The following WNK1 variants were observed in gnomAD, a reference collection of about 807,000 sequenced individuals.
The protein encoded by WNK1 is WNK lysine deficient protein kinase 1.
WNK1 carries 38 observed loss-of-function variants against 222.8 expected under a neutral mutation model. That is an observed-to-expected ratio of 0.17 (90% CI 0.13 to 0.22). WNK1 has a LOEUF of 0.22. WNK1 is among the 10% of genes least tolerant of loss of function. The pLI, the probability that WNK1 is intolerant of heterozygous loss-of-function variation, is 1.00. For synonymous variants in WNK1, 1,090 were observed against 1,092.9 expected (o/e 1.00, Z 0.05); for missense variants, 2,348 against 2,918.4 (o/e 0.80, Z 4.50).
chr12:855,350 G>A (rs961925761), intron 4 of WNK1, among the ~76,000 whole-genome samples: 2 of 152,194 alleles, frequency 1.3e-5, no homozygotes, highest in African/African-American at 4.8e-5. Context: ...GTTCCTTGCT[G>A]TGAAAAGTTA....
At chr12:906,823 T>A in intron 26 of WNK1, 1 of 885,924 alleles carries the variant, frequency 1.1e-6, no homozygotes, top group Non-Finnish European at 1.4e-6. Context: ...CAGGATTGCC[T>A]GAGCCCAGCA....
chr12:867,038 C>T (rs933554697), intron 8 of WNK1, among the ~76,000 whole-genome samples: 1 of 151,934 alleles, frequency 6.6e-6, no homozygotes, highest in Non-Finnish European at 1.5e-5. Flanking sequence ...CAGAAGAATC[C>T]CTTGAACCCA....
Position 894,588 on chromosome 12 carries a change from C to G in WNK1, c.5536C>G (p.Leu1846Val). 2 of 1,613,974 alleles carry G rather than the reference C, an allele frequency of 1.2e-6. No individual in the cohort carries two copies. Among genetic ancestry groups the G allele is most frequent in the South Asian group, 2.2e-5 (2 of 91,066 alleles). ...TTCTCAAGTCAAAGAAGGCCCTGTC[C>G]TAGCAACTAGTTCAGGAGCTGGTGT... ...GVSQVKEGPV[L>V]ATSSGAGVFK... The change falls in exon 23 of 28, where the codon CTA becomes GTA. Residue 1846 changes from leucine (L) to valine (V), a missense_variant. Leu to Val is a conservative substitution (Grantham distance 32, BLOSUM62 1). Coordinates refer to ENST00000315939, the MANE Select transcript of WNK1 (RefSeq NM_018979.4).
intron 22 of WNK1, among the ~76,000 whole-genome samples, chr12:892,966 A>G (rs1237206847): frequency 2.0e-5 from 3 of 152,214 alleles, no homozygotes; most frequent in Non-Finnish European, 2.9e-5. Flanking sequence ...AATAGCAAGA[A>G]ATTCTGGGCC....
intron 1 of WNK1, among the ~76,000 whole-genome samples, chr12:811,218 GATA>G (rs752690958): frequency 1.4e-4 from 22 of 152,248 alleles, no homozygotes; most frequent in Non-Finnish European, 2.9e-4. Context: ...TTGTATTCAT[GATA>G]ATTTGATTGA....
intron 4 of WNK1, among the ~76,000 whole-genome samples, chr12:843,180 A>C (rs577502964): frequency 6.6e-6 from 1 of 152,190 alleles, no homozygotes; most frequent in East Asian, 1.9e-4. Context: ...CAAGTGATCC[A>C]CCCACCTTGG....
At chr12:898,424 A>G (rs963699747) in intron 25 of WNK1, among the ~76,000 whole-genome samples, 2 of 150,682 alleles carry the variant, frequency 1.3e-5, no homozygotes, top group Non-Finnish European at 3.0e-5. Context: ...CGGAGCTTGC[A>G]GTGAGCTGAG....
chr12:902,031 C>T (rs994000059), intron 26 of WNK1, among the ~76,000 whole-genome samples: 6 of 151,778 alleles, frequency 4.0e-5, no homozygotes, highest in South Asian at 2.1e-4. Context: ...GACACGGTGG[C>T]GTACACCTGT....
intron 26 of WNK1, among the ~76,000 whole-genome samples, chr12:904,182 A>G (rs560655512): frequency 6.6e-6 from 1 of 152,230 alleles, no homozygotes; most frequent in South Asian, 2.1e-4. Flanking sequence ...ACCTCAGTGC[A>G]GGGCATTACT....
At chr12:835,801 A>G (rs1163468706) in intron 4 of WNK1, among the ~76,000 whole-genome samples, 1 of 152,218 alleles carries the variant, frequency 6.6e-6, no homozygotes, top group East Asian at 1.9e-4. Context: ...TAAAAATACA[A>G]AAATTAGCTG....
At chr12:847,801 CTT>C (rs898832948) in intron 4 of WNK1, among the ~76,000 whole-genome samples, 904 of 68,588 alleles carry the variant, frequency 0.013, 1 homozygote, top group African/African-American at 0.047. Flanking sequence ...GATTAATTCT[CTT>C]TTTTTTTTTT....
chr12:759,277 A>G (rs1187784404), intron 1 of WNK1, among the ~76,000 whole-genome samples: 2 of 147,200 alleles, frequency 1.4e-5, no homozygotes, highest in Admixed American at 1.3e-4. Context: ...CAGTTCTTTA[A>G]ATTATATTGA....
Position 883,880 on chromosome 12 carries a change from T to C in WNK1, c.3721+49T>C, listed in dbSNP as rs1322266584. On this transcript the variant is annotated intron_variant, in intron 17 of 27. Transcript: ENST00000315939. ...TTTTACCTTTGACTTAAGAAGCCAT[T>C]AGCCGAGGGTGGTGGCAGGCTTCTG... The C allele has an allele frequency of 2.5e-6, 4 of 1,601,398 alleles. No homozygotes were observed. In the Admixed American group the frequency reaches 6.7e-5, roughly 27 times the overall value.
intron 1 of WNK1, among the ~76,000 whole-genome samples, chr12:798,665 T>C (rs1329217585): frequency 1.3e-5 from 2 of 152,170 alleles, no homozygotes; most frequent in Non-Finnish European, 2.9e-5. Flanking sequence ...TAATAAATTA[T>C]TTAAAAATCT....
intron 1 of WNK1, among the ~76,000 whole-genome samples, chr12:771,982 A>G (rs906624933): frequency 2.6e-5 from 4 of 151,014 alleles, no homozygotes; most frequent in Non-Finnish European, 4.4e-5. Context: ...TTTTTTTTGC[A>G]TAAGGGCCTT....
intron 16 of WNK1, 68 bp downstream of exon 16, chr12:883,636 T>C: frequency 1.9e-6 from 3 of 1,609,406 alleles, no homozygotes; most frequent in Non-Finnish European, 2.6e-6. Context: ...AAATTTGCTA[T>C]GCAAAATGTC....
At chr12:869,321 A>T (rs1951944682) in intron 8 of WNK1, 1 of 631,010 alleles carries the variant, frequency 1.6e-6, no homozygotes. Flanking sequence ...TATATGTGAA[A>T]ACCAGTGGAA....
At chr12:770,354 C>T (rs1942326679) in intron 1 of WNK1, among the ~76,000 whole-genome samples, 1 of 152,008 alleles carries the variant, frequency 6.6e-6, no homozygotes, top group Non-Finnish European at 1.5e-5. Flanking sequence ...TATAAGTAAG[C>T]ATGTGTGTTT....
In WNK1 at chr12:793,241, C is replaced by T. The variant is rs147407733; in HGVS notation, c.760-20401C>T. Among the ~76,000 whole-genome samples, 188 of 152,222 alleles carry T rather than the reference C, an allele frequency of 1.2e-3. 4 individuals carry two copies. The East Asian group carries it at 0.034, about 27-fold the overall frequency. ...TGAATGAATGAGTCAGATGTTTTCTCTGTAGTTTTTAGAATCATTGAGATA... is the reference window on the plus strand; with the variant it reads ...TGAATGAATGAGTCAGATGTTTTCTTTGTAGTTTTTAGAATCATTGAGATA... On this transcript the variant is annotated intron_variant, in intron 1 of 27. Transcript: ENST00000315939.
Sources: allele counts gnomAD v4.1 joint callset (sites outside exome capture counted in the v4.1 genomes callset), GRCh38; gene constraint gnomAD v4.1.1; transcripts MANE v1.5; gene names NCBI Gene and HGNC (gene_info 2026-07-23, HGNC 2026-07-21).